Variants in NDUFAF7 observed in about 807,000 individuals in gnomAD.
NDUFAF7 encodes the protein protein arginine methyltransferase NDUFAF7, mitochondrial.
A neutral mutation model predicts 47.2 loss-of-function variants in NDUFAF7; 48 were observed. That is an observed-to-expected ratio of 1.02 (90% CI 0.81 to 1.29). The LOEUF (loss-of-function observed/expected upper bound fraction) is 1.29, where lower values mean the gene tolerates loss of function less well. Among genes scored for constraint, NDUFAF7 ranks in the 50% most tolerant of loss-of-function variants. The pLI is 0.00. For missense variants in NDUFAF7, 635 were observed against 537.6 expected (o/e 1.18, Z -1.79); for synonymous variants, 217 against 190.0 (o/e 1.14, Z -1.17).
downstream of NDUFAF7, chr2:37,256,573 G>C (rs1253442786): frequency 9.4e-6 from 13 of 1,381,698 alleles, no homozygotes; most frequent in South Asian, 9.6e-5. Context: ...TAAGTTGCAA[G>C]AGACAGACTG....
In NDUFAF7 at chr2:37,232,212, T is replaced by G. The variant is rs1242417523; in HGVS notation, c.162T>G (p.Thr54=). 5.6e-6 allele frequency: 9 copies of G among 1,613,974 alleles called. No individual in the cohort carries two copies. Among genetic ancestry groups the G allele is most frequent in the Non-Finnish European group, 7.6e-6 (9 of 1,180,048 alleles). The change falls in exon 2 of 10, where the codon ACT becomes ACG. Residue 54 remains threonine, a synonymous_variant. Transcript: ENST00000002125. ...LRHLMYKIKS[T]GPITVAEYMK... ...ATCTTATGTACAAAATAAAGTCTAC[T>G]GGTCCCATCACTGTGGCCGAGTACA...
chr2:37,233,791 A>T (rs535644705), intron 2 of NDUFAF7, among the ~76,000 whole-genome samples: 7 of 152,300 alleles, frequency 4.6e-5, no homozygotes, highest in Admixed American at 6.5e-5. Flanking sequence ...TAACTCTAAA[A>T]TGTAGAGGCT....
intron 3 of NDUFAF7, among the ~76,000 whole-genome samples, chr2:37,236,437 G>C (rs1665761439): frequency 6.6e-6 from 1 of 151,930 alleles, no homozygotes; most frequent in African/African-American, 2.4e-5. Context: ...AGGAAAGGAG[G>C]GGGTCATAAA....
chr2:37,242,462 A>C lies in NDUFAF7; in HGVS notation c.623-173A>C, dbSNP rs561152379. Reference sequence around the variant, plus strand: ...TCTGACCCCATTTATGTGTAAAATAAGAATAGTAATAATTGTTCTATGTTC... The same window carrying C: ...TCTGACCCCATTTATGTGTAAAATACGAATAGTAATAATTGTTCTATGTTC... On this transcript the variant is annotated intron_variant, in intron 5 of 9. Transcript: ENST00000002125. 341 of 530,690 alleles carry C rather than the reference A, an allele frequency of 6.4e-4. 1 individual carries two copies. The highest frequency in any genetic ancestry group is 6.2e-3 in the African/African-American group (319 of 51,340). 32.9% of individuals were successfully genotyped at this position (530,690 alleles called of 1,614,324 possible).
At chr2:37,235,098 G>A (rs2148390525) in intron 2 of NDUFAF7, among the ~76,000 whole-genome samples, 1 of 152,208 alleles carries the variant, frequency 6.6e-6, no homozygotes, top group African/African-American at 2.4e-5. Context: ...CTCAGAAAAG[G>A]TGGCACTGGA....
At chr2:37,244,050 G>C in intron 7 of NDUFAF7, 77 bp downstream of exon 7, 1 of 1,219,592 alleles carries the variant, frequency 8.2e-7, no homozygotes, top group Non-Finnish European at 1.2e-6. Flanking sequence ...TACTACTTTA[G>C]AGTTTTAGAG....
chr2:37,231,663 A>G lies in NDUFAF7; in HGVS notation c.-43A>G, dbSNP rs770876584. ...CGTGTCTTCTCCCGGAAATGGTCTA[A>G]GCCCCAGCTCCTGGCGGAGCGAGCT... On this transcript the variant is annotated 5_prime_UTR_variant, in exon 1 of 10. Transcript: ENST00000002125. 7 of 1,613,960 alleles carry G rather than the reference A, an allele frequency of 4.3e-6. No homozygotes were observed. Among genetic ancestry groups the G allele is most frequent in the Non-Finnish European group, 5.9e-6 (7 of 1,179,954 alleles).
intron 8 of NDUFAF7, among the ~76,000 whole-genome samples, chr2:37,247,050 C>T (rs1451122908): frequency 6.6e-6 from 1 of 152,066 alleles, no homozygotes; most frequent in Admixed American, 6.5e-5. Context: ...TTCCCCTCCT[C>T]CTGTCTCCCC....
Position 37,232,201 on chromosome 2 carries a change from A to G in NDUFAF7, c.151A>G (p.Ile51Val), listed in dbSNP as rs756955220. The G allele has an allele frequency of 1.9e-5, 30 of 1,613,972 alleles. No individual in the cohort carries two copies. The highest frequency in any genetic ancestry group is 4.0e-5 in the African/African-American group (3 of 74,942). Reference sequence around the variant, plus strand: ...GATGCTGCGGCATCTTATGTACAAAATAAAGTCTACTGGTCCCATCACTGT... The same window carrying G: ...GATGCTGCGGCATCTTATGTACAAAGTAAAGTCTACTGGTCCCATCACTGT... ...TPMLRHLMYK[I>V]KSTGPITVAE... The change falls in exon 2 of 10, where the codon ATA becomes GTA. Residue 51 changes from isoleucine to valine, a missense_variant. Physicochemically the swap from Ile to Val is conservative, Grantham distance 29. Transcript: ENST00000002125.
downstream of NDUFAF7, chr2:37,254,401 T>G: frequency 6.6e-6 from 5 of 759,538 alleles, no homozygotes; most frequent in South Asian, 7.6e-5. Flanking sequence ...GAGGAATTTT[T>G]GCTTCTCAAG....
chr2:37,246,496 C>CT (rs1666911968), intron 8 of NDUFAF7, among the ~76,000 whole-genome samples: 1 of 152,144 alleles, frequency 6.6e-6, no homozygotes, highest in South Asian at 2.1e-4. Context: ...TCTTCACATT[C>CT]TTAAACCTAT....
the NDUFAF7 span, among the ~76,000 whole-genome samples, chr2:37,260,655 T>A: frequency 6.6e-6 from 1 of 152,166 alleles, no homozygotes; most frequent in East Asian, 1.9e-4. Context: ...TTTCCTTCCT[T>A]CTCACTTGAA....
chr2:37,243,055 GGGCTCAA>G (rs2148424730), intron 6 of NDUFAF7, among the ~76,000 whole-genome samples: 1 of 152,216 alleles, frequency 6.6e-6, no homozygotes, highest in African/African-American at 2.4e-5. Flanking sequence ...TTGAACTCCA[GGGCTCAA>G]GTGTTCATCC....
downstream of NDUFAF7, among the ~76,000 whole-genome samples, chr2:37,256,503 T>C (rs1667951707): frequency 6.6e-6 from 1 of 151,786 alleles, no homozygotes; most frequent in Non-Finnish European, 1.5e-5. Flanking sequence ...AAAAGAAGAG[T>C]GCTCAAAAAA....
At chr2:37,264,954 C>G in the NDUFAF7 span, among the ~76,000 whole-genome samples, 1 of 152,110 alleles carries the variant, frequency 6.6e-6, no homozygotes, top group African/African-American at 2.4e-5. Flanking sequence ...AATCAGTGAT[C>G]CTGTGATTTT....
At chr2:37,238,113 T>C (rs1312987223) in intron 4 of NDUFAF7, among the ~76,000 whole-genome samples, 3 of 152,048 alleles carry the variant, frequency 2.0e-5, no homozygotes, top group East Asian at 1.9e-4. Flanking sequence ...GGAGAGTGTA[T>C]TTGTTTCCTC....
chr2:37,258,369 T>G (rs1233413083), downstream of NDUFAF7, among the ~76,000 whole-genome samples: 2 of 152,228 alleles, frequency 1.3e-5, no homozygotes, highest in Non-Finnish European at 2.9e-5. Flanking sequence ...TCTTTTTTTG[T>G]TGTTAAATGC....
chr2:37,231,783 C>A, intron 1 of NDUFAF7, 23 bp downstream of exon 1: 1 of 1,614,032 alleles, frequency 6.2e-7, no homozygotes, highest in Middle Eastern at 1.7e-4. Flanking sequence ...CCCCTCGAAG[C>A]CCGGTTGCCG....
downstream of NDUFAF7, chr2:37,256,656 TTTTAC>T: frequency 1.6e-6 from 2 of 1,260,266 alleles, no homozygotes; most frequent in East Asian, 2.8e-5. Context: ...TTTTTTTTTT[TTTTAC>T]CTTCACCAGA....
Sources: allele counts gnomAD v4.1 joint callset (sites outside exome capture counted in the v4.1 genomes callset), GRCh38; gene constraint gnomAD v4.1.1; transcripts MANE v1.5; gene names NCBI Gene and HGNC (gene_info 2026-07-23, HGNC 2026-07-21).